The following TMEM163 variants were observed in gnomAD, a reference collection of about 807,000 sequenced individuals.
The protein encoded by TMEM163 is transmembrane protein 163.
TMEM163 carries 17 observed loss-of-function variants against 29.3 expected under a neutral mutation model. The observed-to-expected ratio is 0.58, with a 90% CI of 0.40 to 0.87. TMEM163 has a LOEUF of 0.87. Among genes scored for constraint, TMEM163 ranks in the 40% least tolerant of loss-of-function variants. The probability of loss-of-function intolerance (pLI) is 0.00; values close to 1 mark genes in which losing one functional copy is unlikely to be tolerated. For missense variants in TMEM163, 303 were observed against 381.5 expected, an observed-to-expected ratio of 0.79 and a Z score of 1.71; for synonymous variants, 157 against 160.6, an observed-to-expected ratio of 0.98 and a Z score of 0.17.
At chr2:134,463,296 C>T (rs545663650) in intron 6 of TMEM163, among the ~76,000 whole-genome samples, 124 of 152,354 alleles carry the variant, frequency 8.1e-4, no homozygotes, top group Non-Finnish European at 1.3e-3. Context: ...ACTCATCCCT[C>T]GGCTCTCAGC....
intron 2 of TMEM163, among the ~76,000 whole-genome samples, chr2:134,570,512 A>G (rs1177141918): frequency 2.3e-5 from 3 of 128,746 alleles, no homozygotes; most frequent in African/African-American, 9.9e-5. Flanking sequence ...ATACATATAC[A>G]TATACATATA....
rs1359182109 is a variant in TMEM163, at chr2:134,502,810, GC to G, written c.555+90del. 4 of 1,079,850 alleles carry G rather than the reference GC, an allele frequency of 3.7e-6. No individual in the cohort carries two copies. The African/African-American group carries it at 6.4e-5, about 17-fold the overall frequency. 66.9% of individuals were successfully genotyped at this position (1,079,850 alleles called of 1,614,324 possible). ...AATGTTGTCTGTTCCCTCTCAACATGCCCGACTCCACCCGGGAACCCTGCGA... is the reference window on the plus strand; with the variant it reads ...AATGTTGTCTGTTCCCTCTCAACATGCCGACTCCACCCGGGAACCCTGCGA... On this transcript the variant is annotated intron_variant, in intron 5 of 7. Transcript: ENST00000281924.
At chr2:134,474,143 A>G (rs1489535728) in intron 5 of TMEM163, among the ~76,000 whole-genome samples, 4 of 152,222 alleles carry the variant, frequency 2.6e-5, no homozygotes, top group African/African-American at 9.6e-5. Flanking sequence ...AGCAATATAT[A>G]AAAAGGATAA....
At chr2:134,713,845 G>A (rs16830943) in intron 1 of TMEM163, among the ~76,000 whole-genome samples, 3,055 of 152,288 alleles carry the variant, frequency 0.02, 147 homozygotes, top group East Asian at 0.19. Context: ...ACAATCAGGA[G>A]AAGAACCATT....
At chr2:134,525,787 A>T (rs1356174047) in intron 4 of TMEM163, among the ~76,000 whole-genome samples, 2 of 152,188 alleles carry the variant, frequency 1.3e-5, no homozygotes, top group African/African-American at 4.8e-5. Flanking sequence ...TGCCTCTGAC[A>T]CCTAGCTGGA....
chr2:134,606,504 C>CA (rs1380143550), intron 2 of TMEM163, among the ~76,000 whole-genome samples: 9 of 152,350 alleles, frequency 5.9e-5, no homozygotes. Context: ...GCCCACCCTG[C>CA]AGAATCACTC....
At position 134,456,644 on chromosome 2, in the gene TMEM163, G is replaced by C; in HGVS notation, c.*72C>G. ...CTTCCAAAAAGAAACCAGATGTTCA[G>C]TTAAATATTGGCACCCTTTGCCTAT... On this transcript the variant is annotated 3_prime_UTR_variant, in exon 8 of 8. Transcript: ENST00000281924. 2 of 1,551,194 alleles carry C rather than the reference G, an allele frequency of 1.3e-6. No individual in the cohort carries two copies. The highest frequency in any genetic ancestry group is 8.9e-7 in the Non-Finnish European group (1 of 1,129,090).
In TMEM163 at chr2:134,586,226, C is replaced by A. The variant is rs769435472; in HGVS notation, c.323-34135G>T. ...CCAAGCTTGTATTAGTTGGCAAGGGCTGCCAAAACAAAGTAACACAAACTA... is the reference window on the plus strand; with the variant it reads ...CCAAGCTTGTATTAGTTGGCAAGGGATGCCAAAACAAAGTAACACAAACTA... On this transcript the variant is annotated intron_variant, in intron 2 of 7. Coordinates refer to ENST00000281924, the MANE Select transcript of TMEM163 (RefSeq NM_030923.5). Among the ~76,000 whole-genome samples the A allele has an allele frequency of 4.6e-5, 7 of 152,200 alleles. No homozygotes were observed. The South Asian group carries it at 1.4e-3, about 32-fold the overall frequency.
intron 2 of TMEM163, among the ~76,000 whole-genome samples, chr2:134,653,706 A>C (rs1683534678): frequency 1.2e-5 from 1 of 84,974 alleles, no homozygotes; most frequent in Non-Finnish European, 2.3e-5. Flanking sequence ...TTCCCTCTAC[A>C]CACTGCTTTG....
intron 2 of TMEM163, among the ~76,000 whole-genome samples, chr2:134,575,592 C>G (rs1681534210): frequency 6.6e-6 from 1 of 152,142 alleles, no homozygotes. Flanking sequence ...TGAGATGTGT[C>G]ACTCGCCACA....
In TMEM163 at chr2:134,525,973, T is replaced by C. The variant is rs111446664; in HGVS notation, c.459-22976A>G. Among the ~76,000 whole-genome samples the C allele has an allele frequency of 3.3e-3, 507 of 152,332 alleles. 3 individuals are homozygous for C. Among genetic ancestry groups the C allele is most frequent in the African/African-American group, 0.012 (483 of 41,582 alleles). Reference sequence around the variant, plus strand: ...GCTGCGGGCATTCACACAACAAATTTGTTCATCAGGCTGTTGGAAGGGATT... The same window carrying C: ...GCTGCGGGCATTCACACAACAAATTCGTTCATCAGGCTGTTGGAAGGGATT... On this transcript the variant is annotated intron_variant, in intron 4 of 7. Transcript: ENST00000281924.
intron 4 of TMEM163, among the ~76,000 whole-genome samples, chr2:134,505,909 C>A (rs564678882): frequency 4.7e-4 from 72 of 152,248 alleles, no homozygotes; most frequent in African/African-American, 1.6e-3. Context: ...TAGCATGTAG[C>A]AGGTACTCCT....
intron 2 of TMEM163, among the ~76,000 whole-genome samples, chr2:134,604,436 G>GAA (rs5834421): frequency 1.4e-5 from 2 of 142,552 alleles, no homozygotes; most frequent in Non-Finnish European, 1.5e-5. Flanking sequence ...GCTTTTACTG[G>GAA]AAAAAAAAAA....
intron 2 of TMEM163, among the ~76,000 whole-genome samples, chr2:134,560,024 C>T (rs1249902587): frequency 6.6e-6 from 1 of 152,104 alleles, no homozygotes; most frequent in Non-Finnish European, 1.5e-5. Flanking sequence ...GGGCTCCTCG[C>T]TGACCTCCCC....
intron 4 of TMEM163, among the ~76,000 whole-genome samples, chr2:134,524,459 C>T (rs1480173389): frequency 6.7e-6 from 1 of 150,124 alleles, no homozygotes; most frequent in African/African-American, 2.4e-5. Context: ...GTTTGCTGCA[C>T]CCATCAACAC....
chr2:134,585,717 G>A (rs1681807053), intron 2 of TMEM163, among the ~76,000 whole-genome samples: 4 of 149,234 alleles, frequency 2.7e-5, no homozygotes, highest in Non-Finnish European at 5.9e-5. Context: ...ACTCCAGCCT[G>A]GGCGACAGAG....
At chr2:134,508,069 C>T (rs115072544) in intron 4 of TMEM163, among the ~76,000 whole-genome samples, 168 of 152,274 alleles carry the variant, frequency 1.1e-3, no homozygotes, top group African/African-American at 4.0e-3. Context: ...AAGGGCAAAA[C>T]CTACTGACAG....
chr2:134,617,788 C>T (rs1056683702), intron 2 of TMEM163, among the ~76,000 whole-genome samples: 2 of 152,052 alleles, frequency 1.3e-5, no homozygotes. Context: ...GGACCACAAT[C>T]AAAAGAAGAG....
chr2:134,681,510 C>A (rs1229274671), intron 2 of TMEM163, among the ~76,000 whole-genome samples: 1 of 151,984 alleles, frequency 6.6e-6, no homozygotes, highest in Non-Finnish European at 1.5e-5. Context: ...TTTCTCTCTA[C>A]CCCCCACTCT....
Sources: allele counts gnomAD v4.1 joint callset (sites outside exome capture counted in the v4.1 genomes callset), GRCh38; gene constraint gnomAD v4.1.1; transcripts MANE v1.5; gene names NCBI Gene and HGNC (gene_info 2026-07-23, HGNC 2026-07-21).